Variants in STK31 observed in about 807,000 individuals in gnomAD.
The protein encoded by STK31 is serine/threonine-protein kinase 31.
A neutral mutation model predicts 129.7 loss-of-function variants in STK31; 89 were observed. The ratio of observed to expected loss-of-function variants is 0.69; its 90% CI spans 0.58 to 0.82. STK31 has a LOEUF of 0.82. Ranked by LOEUF, STK31 falls within the 40% of genes least tolerant of loss-of-function variation. The pLI is 0.00. For missense variants in STK31, 1,187 were observed against 1,176.4 expected, an observed-to-expected ratio of 1.01 and a Z score of -0.13; for synonymous variants, 448 against 395.3, an observed-to-expected ratio of 1.13 and a Z score of -1.58.
intron 23 of STK31, among the ~76,000 whole-genome samples, chr7:23,827,518 T>A (rs1402447557): frequency 6.6e-6 from 1 of 152,186 alleles, no homozygotes; most frequent in Non-Finnish European, 1.5e-5. Flanking sequence ...TCAAAGTTTT[T>A]AACTTCTTTG....
chr7:23,772,272 G>T lies in STK31; in HGVS notation c.1959G>T (p.Leu653Phe). The T allele has an allele frequency of 6.2e-7, 1 of 1,603,668 alleles. No homozygotes were observed. Among genetic ancestry groups the T allele is most frequent in the Non-Finnish European group, 8.5e-7 (1 of 1,176,540 alleles). ...LRWKLVEKSN[L>F]EESDDPDGSQ... is the part of the protein sequence containing the mutation. Reference sequence around the variant, plus strand: ...GGAAATTGGTTGAAAAGAGTAATTTGGAAGAGGTAAGGAAACAGTTGTTTC... The same window carrying T: ...GGAAATTGGTTGAAAAGAGTAATTTTGAAGAGGTAAGGAAACAGTTGTTTC... Residue 653 changes from leucine (L) to phenylalanine (F), a missense_variant, in exon 15 of 24, where the codon TTG (leucine) becomes TTT (phenylalanine). Physicochemically the swap from Leu to Phe is conservative, Grantham distance 22 (BLOSUM62 0). Transcript: ENST00000355870.
intron 22 of STK31, among the ~76,000 whole-genome samples, chr7:23,796,060 G>A (rs1027175185): frequency 2.0e-5 from 3 of 152,182 alleles, no homozygotes; most frequent in African/African-American, 7.2e-5. Flanking sequence ...GTGAAGACAT[G>A]AGATTTGGAA....
chr7:23,754,011 C>T (rs1488779900), intron 9 of STK31, among the ~76,000 whole-genome samples: 2 of 151,988 alleles, frequency 1.3e-5, no homozygotes, highest in African/African-American at 2.4e-5. Flanking sequence ...TGCAGACTTT[C>T]GAAGTTGCCT....
chr7:23,719,241 T>C (rs1786534213), intron 4 of STK31, among the ~76,000 whole-genome samples: 1 of 152,118 alleles, frequency 6.6e-6, no homozygotes, highest in South Asian at 2.1e-4. Flanking sequence ...ATAAAAGATA[T>C]ATTTCAATGA....
chr7:23,800,572 G>A (rs997373762), intron 22 of STK31, among the ~76,000 whole-genome samples: 34 of 152,050 alleles, frequency 2.2e-4, no homozygotes, highest in Admixed American at 1.4e-3. Flanking sequence ...CACAGGGAGG[G>A]GAACATCACA....
intron 23 of STK31, among the ~76,000 whole-genome samples, chr7:23,827,218 T>A (rs1407983613): frequency 6.6e-6 from 1 of 152,250 alleles, no homozygotes; most frequent in Non-Finnish European, 1.5e-5. Flanking sequence ...ATTCTCTTCG[T>A]CACTTTGAGG....
intron 16 of STK31, among the ~76,000 whole-genome samples, chr7:23,782,771 A>T (rs746402554): frequency 6.6e-6 from 1 of 152,154 alleles, no homozygotes; most frequent in Non-Finnish European, 1.5e-5. Flanking sequence ...TTTCTTAACG[A>T]AACAGCTGTT....
At chr7:23,756,926 A>C (rs1232423817) in intron 10 of STK31, among the ~76,000 whole-genome samples, 2 of 152,156 alleles carry the variant, frequency 1.3e-5, no homozygotes, top group Non-Finnish European at 2.9e-5. Flanking sequence ...ATCGATGTTC[A>C]TCAGGGATAT....
At chr7:23,713,383 G>GT in intron 3 of STK31, among the ~76,000 whole-genome samples, 1 of 152,318 alleles carries the variant, frequency 6.6e-6, no homozygotes, top group East Asian at 1.9e-4. Flanking sequence ...CATTGAGTGA[G>GT]TAGTGAGGAA....
At chr7:23,810,153 CCTT>C (rs1196818698) in intron 22 of STK31, among the ~76,000 whole-genome samples, 1 of 151,880 alleles carries the variant, frequency 6.6e-6, no homozygotes, top group Non-Finnish European at 1.5e-5. Context: ...TATGTAATAT[CCTT>C]CTTTTTCTGT....
chr7:23,817,943 T>C (rs1391476979), intron 23 of STK31, among the ~76,000 whole-genome samples: 1 of 152,066 alleles, frequency 6.6e-6, no homozygotes, highest in Non-Finnish European at 1.5e-5. Flanking sequence ...AATTTTTCTG[T>C]ATTGTTTTTC....
chr7:23,780,809 T>C (rs1037788846), intron 15 of STK31, among the ~76,000 whole-genome samples: 1 of 152,272 alleles, frequency 6.6e-6, no homozygotes, highest in South Asian at 2.1e-4. Context: ...ACTGAGCAAA[T>C]TGTGAGAGAG....
chr7:23,735,969 T>C lies in STK31; in HGVS notation c.842+73T>C, dbSNP rs181889275. On this transcript the variant is annotated intron_variant, in intron 7 of 23. Transcript: ENST00000355870. ...GTCATAGTAGAATAGAAGTTAAGGC[T>C]TATGCTTTTGGAATCCTTTACTGTG... 3.8e-6 allele frequency: 5 copies of C among 1,300,368 alleles called. No homozygotes were observed. The African/African-American group carries it at 5.9e-5, about 15-fold the overall frequency. 80.6% of individuals were successfully genotyped at this position (1,300,368 alleles called of 1,614,324 possible). A position where few individuals can be genotyped will look rare whatever the true frequency, so the allele number is the denominator to read the frequency against.
intron 22 of STK31, among the ~76,000 whole-genome samples, chr7:23,805,239 C>G (rs908047223): frequency 1.1e-4 from 17 of 151,992 alleles, no homozygotes; most frequent in Non-Finnish European, 1.6e-4. Context: ...CCATGCCTGG[C>G]TAATTTTTTG....
At chr7:23,718,945 A>G (rs1359303583) in intron 4 of STK31, among the ~76,000 whole-genome samples, 2 of 152,040 alleles carry the variant, frequency 1.3e-5, no homozygotes, top group Non-Finnish European at 2.9e-5. Flanking sequence ...TGTTGAACCA[A>G]TTTACATTCT....
rs1787751062 is a variant in STK31 at position 23,736,901 on chromosome 7, T to C, written c.843-3T>C. The C allele has an allele frequency of 1.5e-5, 24 of 1,595,054 alleles. No individual in the cohort carries two copies. The highest frequency in any genetic ancestry group is 1.9e-5 in the Non-Finnish European group (22 of 1,173,222). On this transcript the variant is annotated splice_polypyrimidine_tract_variant and splice_region_variant and intron_variant, in intron 7 of 23. Transcript: ENST00000355870. ...GTCAAAATAAATGAATTTGTTTTTA[T>C]AGGGAAAGTTTGGCTGTTGGTGACT... is the stretch of plus-strand genomic sequence containing the variant.
At chr7:23,770,955 T>G (rs1045583152) in intron 13 of STK31, 50 bp from the exon 14 acceptor site, 9 of 1,538,788 alleles carry the variant, frequency 5.8e-6, no homozygotes, top group Non-Finnish European at 7.9e-6. Context: ...AGGCCTTAGC[T>G]GTTTTGGATA....
At chr7:23,751,813 C>G (rs956314946) in intron 8 of STK31, among the ~76,000 whole-genome samples, 1 of 152,024 alleles carries the variant, frequency 6.6e-6, no homozygotes, top group Non-Finnish European at 1.5e-5. Flanking sequence ...TATGAAATGT[C>G]TCTCTTTATT....
In STK31 at chr7:23,814,146, C is replaced by CTTTTTTTTTTTTTTTTTTTTTT. The variant is rs71552259; in HGVS notation, c.2761-996_2761-995insTTTTTTTTTTTTTTTTTTTTTT. Among the ~76,000 whole-genome samples, 4 of 98,912 alleles carry CTTTTTTTTTTTTTTTTTTTTTT rather than the reference C, an allele frequency of 4.0e-5. 1 individual carries two copies. The highest frequency in any genetic ancestry group is 6.3e-4 in the South Asian group (2 of 3,198). 64.9% of individuals were successfully genotyped at this position (98,912 alleles called of 152,430 possible). On this transcript the variant is annotated intron_variant, in intron 22 of 23. Transcript: ENST00000355870. ...GTTGGGAAACATCAGATCTGGCTCACTTATTTTTTTTTTTTTTTCAGTTGG... is the reference window on the plus strand; with the variant it reads ...GTTGGGAAACATCAGATCTGGCTCACTTTTTTTTTTTTTTTTTTTTTTTTATTTTTTTTTTTTTTTCAGTTGG...
Sources: gnomAD v4.1 joint callset for allele counts (sites outside exome capture counted in the v4.1 genomes callset) on GRCh38, gnomAD v4.1.1 for gene constraint, MANE v1.5 for transcripts, NCBI Gene and HGNC (gene_info 2026-07-23, HGNC 2026-07-21) for gene names.